The following POU4F1 variants were observed in gnomAD, a reference collection of about 807,000 sequenced individuals.
POU4F1 encodes the protein POU domain, class 4, transcription factor 1.
A neutral mutation model predicts 19.8 loss-of-function variants in POU4F1; 5 were observed. That is an observed-to-expected ratio of 0.25 (90% CI 0.13 to 0.53). The LOEUF (loss-of-function observed/expected upper bound fraction) is 0.53, where lower values mean the gene tolerates loss of function less well. POU4F1 is among the 20% of genes least tolerant of loss of function. The pLI is 0.96. For synonymous variants in POU4F1, 266 were observed against 247.7 expected, an observed-to-expected ratio of 1.07 and a Z score of -0.69; for missense variants, 408 against 511.6, an observed-to-expected ratio of 0.80 and a Z score of 1.95.
chr13:78,601,706 G>T lies in POU4F1; in HGVS notation c.969C>A (p.Ile323=), dbSNP rs748005898. The part of the protein sequence containing the change: ...ESLTLSHNNM[I]ALKPILQAWL... ...ACGCCTGCAGGATGGGCTTGAGCGC[G>T]ATCATGTTGTTGTGCGAGAGCGTGA... is the stretch of plus-strand genomic sequence containing the variant. The change falls in exon 2 of 2, where the codon ATC becomes ATA. Residue 323 remains isoleucine, a synonymous_variant. Transcript: ENST00000377208. 5 of 1,613,936 alleles carry T rather than the reference G, an allele frequency of 3.1e-6. No individual in the cohort carries two copies. Among genetic ancestry groups the T allele is most frequent in the Non-Finnish European group, 4.2e-6 (5 of 1,179,944 alleles).
At position 78,601,628 on chromosome 13, in the gene POU4F1, G is replaced by C; in HGVS notation, c.1047C>G (p.Leu349=). 1 of 1,613,934 alleles carries C rather than the reference G, an allele frequency of 6.2e-7. No homozygotes were observed. Among genetic ancestry groups the C allele is most frequent in the Non-Finnish European group, 8.5e-7 (1 of 1,180,008 alleles). Residue 349 remains leucine (L), a synonymous_variant, in exon 2 of 2, where the codon CTC becomes CTG. Transcript: ENST00000377208. The stretch of plus-strand genomic sequence containing the variant: ...TGCGCTTCTTCTCGCCGCCGTTGAA[G>C]AGCTCAGGCTTGTTCATTTTCTCGC... The part of the protein sequence containing the change: ...AQREKMNKPE[L]FNGGEKKRKR...
Position 78,601,213 on chromosome 13 carries a change from C to T in POU4F1, c.*202G>A, listed in dbSNP as rs1203924856. The T allele has an allele frequency of 1.1e-5, 10 of 875,678 alleles. No individual in the cohort carries two copies. The East Asian group carries it at 2.8e-4, about 24-fold the overall frequency. 54.2% of individuals were successfully genotyped at this position (875,678 alleles called of 1,614,324 possible). On this transcript the variant is annotated 3_prime_UTR_variant, in exon 2 of 2. Coordinates refer to ENST00000377208, the MANE Select transcript of POU4F1 (RefSeq NM_006237.4). ...TACCCTATACTCCAATCCCCACACCCAGCACCCCAGTCCTCAAGGCTAGGG... is the reference window on the plus strand; with the variant it reads ...TACCCTATACTCCAATCCCCACACCTAGCACCCCAGTCCTCAAGGCTAGGG...
In POU4F1 at chr13:78,599,766, C is replaced by T. The variant is rs1306420841; in HGVS notation, c.*1649G>A. 2.6e-5 allele frequency: 4 copies of T among 152,404 alleles called. No homozygotes were observed. The East Asian group carries it at 7.7e-4, about 29-fold the overall frequency. The allele number at this position is 152,404 out of a possible 1,614,324, so 9.4% of individuals were successfully genotyped here. Reference sequence around the variant, plus strand: ...AAAGGATGGTAACAAACCATCTCTACGAGAGATCCAAAGAGTATCTTGTAC... The same window carrying T: ...AAAGGATGGTAACAAACCATCTCTATGAGAGATCCAAAGAGTATCTTGTAC... On this transcript the variant is annotated 3_prime_UTR_variant, in exon 2 of 2. Transcript: ENST00000377208.
rs578186189 is a variant in POU4F1, at chr13:78,603,172, G to A, written c.123+32C>T. 7.4e-6 allele frequency: 10 copies of A among 1,342,572 alleles called. No individual in the cohort carries two copies. The South Asian group carries it at 1.7e-4, about 23-fold the overall frequency. 83.2% of individuals were successfully genotyped at this position (1,342,572 alleles called of 1,614,324 possible). A position where few individuals can be genotyped will look rare whatever the true frequency, so the allele number is the denominator to read the frequency against. ...TTCGGAGACGGGGAGGGGCGGGCGCGCGGGCCGGGGCCGCGGGCGTGGGGC... is the reference window on the plus strand; with the variant it reads ...TTCGGAGACGGGGAGGGGCGGGCGCACGGGCCGGGGCCGCGGGCGTGGGGC... On this transcript the variant is annotated intron_variant, in intron 1 of 1. Transcript: ENST00000377208.
chr13:78,602,247 GCGCCGC>G lies in POU4F1; in HGVS notation c.422_427del (p.Gly141_Gly142del), dbSNP rs1175117364. The G allele has an allele frequency of 2.2e-5, 22 of 980,286 alleles. No homozygotes were observed. The highest frequency in any genetic ancestry group is 2.5e-5 in the Non-Finnish European group (21 of 828,164). 60.7% of individuals were successfully genotyped at this position (980,286 alleles called of 1,614,324 possible). A position where few individuals can be genotyped will look rare whatever the true frequency, so the allele number is the denominator to read the frequency against. ...GCCACCGCCCCCCGGGCCGTCGTGG[GCGCCGC>G]CGCCGCCGGCCGCCGCGCCCGCGCC... is the stretch of plus-strand genomic sequence containing the variant. On this transcript the variant is annotated inframe_deletion, in exon 2 of 2. Transcript: ENST00000377208.
At position 78,599,562 on chromosome 13, in the gene POU4F1, G is replaced by A. The variant is rs1403659212; in HGVS notation, c.*1853C>T. On this transcript the variant is annotated 3_prime_UTR_variant, in exon 2 of 2. Coordinates refer to ENST00000377208, the MANE Select transcript of POU4F1 (RefSeq NM_006237.4). Reference sequence around the variant, plus strand: ...TTTAGTGCTCAGTTTCAAATGCATAGAATGTTTGCCCTGCAAACAATGATA... The same window carrying A: ...TTTAGTGCTCAGTTTCAAATGCATAAAATGTTTGCCCTGCAAACAATGATA... The A allele has an allele frequency of 3.3e-5, 5 of 152,738 alleles. No individual in the cohort carries two copies. Among genetic ancestry groups the A allele is most frequent in the Admixed American group, 1.3e-4 (2 of 15,306 alleles). 9.5% of individuals were successfully genotyped at this position (152,738 alleles called of 1,614,324 possible).
At position 78,603,524 on chromosome 13, in the gene POU4F1, C is replaced by T. The variant is rs965565807; in HGVS notation, c.-198G>A. 15 of 811,070 alleles carry T rather than the reference C, an allele frequency of 1.8e-5. No homozygotes were observed. The African/African-American group carries it at 2.4e-4, about 13-fold the overall frequency. The allele number at this position is 811,070 out of a possible 1,614,324, so 50.2% of individuals were successfully genotyped here. ...GACCGCGCAGAGCGCCGCGCGCCGGCCTCGCGGTCCCGCTTCTCCGACAGC... is the reference window on the plus strand; with the variant it reads ...GACCGCGCAGAGCGCCGCGCGCCGGTCTCGCGGTCCCGCTTCTCCGACAGC... On this transcript the variant is annotated 5_prime_UTR_variant, in exon 1 of 2. Transcript: ENST00000377208.
At position 78,598,485 on chromosome 13, in the gene POU4F1, C is replaced by T. The variant is rs1874578179; in HGVS notation, c.*2930G>A. ...TACCTCTAGTGCTTTTTTTTTTTAA[C>T]ATTAACAACTGTTTAAAATCGCAGC... On this transcript the variant is annotated 3_prime_UTR_variant, in exon 2 of 2. Transcript: ENST00000377208. The T allele has an allele frequency of 6.7e-6, 1 of 150,342 alleles. No individual in the cohort carries two copies. The highest frequency in any genetic ancestry group is 2.1e-4 in the South Asian group (1 of 4,744). 9.3% of individuals were successfully genotyped at this position (150,342 alleles called of 1,614,324 possible). A position where few individuals can be genotyped will look rare whatever the true frequency, so the allele number is the denominator to read the frequency against.
At position 78,602,002 on chromosome 13, in the gene POU4F1, G is replaced by GCGCCGC; in HGVS notation, c.667_672dup (p.Ala223_Ala224dup). The GCGCCGC allele has an allele frequency of 4.4e-6, 4 of 912,016 alleles. No homozygotes were observed. Among genetic ancestry groups the GCGCCGC allele is most frequent in the Non-Finnish European group, 5.2e-6 (4 of 766,098 alleles). 56.5% of individuals were successfully genotyped at this position (912,016 alleles called of 1,614,324 possible). A position where few individuals can be genotyped will look rare whatever the true frequency, so the allele number is the denominator to read the frequency against. ...GCCGCTGCCGCTGCCGCGCCGTGGT[G>GCGCCGC]CGCCGCCGCCGCCACCAGCCCGGGG... On this transcript the variant is annotated inframe_insertion, in exon 2 of 2. Transcript: ENST00000377208.
Position 78,603,330 on chromosome 13 carries a change from G to A in POU4F1, c.-4C>T, listed in dbSNP as rs1299593155. The A allele has an allele frequency of 1.9e-6, 3 of 1,576,066 alleles. No homozygotes were observed. The highest frequency in any genetic ancestry group is 1.1e-5 in the South Asian group (1 of 88,186). ...GCTTGCTGTTCATGGACATCATCGT[G>A]GCGGCTTGGCATGTATATCCACAAA... On this transcript the variant is annotated 5_prime_UTR_variant, in exon 1 of 2. Transcript: ENST00000377208.
Position 78,601,352 on chromosome 13 carries a change from A to G in POU4F1, c.*63T>C. ...AAATCCGAGGGGAGGCAAGCAGAGGAAAGCCCCCCAAAAATGCCTCCTCAG... is the reference window on the plus strand; with the variant it reads ...AAATCCGAGGGGAGGCAAGCAGAGGGAAGCCCCCCAAAAATGCCTCCTCAG... On this transcript the variant is annotated 3_prime_UTR_variant, in exon 2 of 2. Coordinates refer to ENST00000377208, the MANE Select transcript of POU4F1 (RefSeq NM_006237.4). 6.2e-7 allele frequency: 1 copy of G among 1,602,798 alleles called. No individual in the cohort carries two copies. The highest frequency in any genetic ancestry group is 8.5e-7 in the Non-Finnish European group (1 of 1,175,708).
rs1244031139 is a variant in POU4F1, at chr13:78,603,522, G to A, written c.-196C>T. The A allele has an allele frequency of 3.1e-5, 27 of 858,934 alleles. No homozygotes were observed. Among genetic ancestry groups the A allele is most frequent in the Middle Eastern group, 4.4e-4 (1 of 2,252 alleles). 53.2% of individuals were successfully genotyped at this position (858,934 alleles called of 1,614,324 possible). A position where few individuals can be genotyped will look rare whatever the true frequency, so the allele number is the denominator to read the frequency against. ...CTGACCGCGCAGAGCGCCGCGCGCC[G>A]GCCTCGCGGTCCCGCTTCTCCGACA... On this transcript the variant is annotated 5_prime_UTR_variant, in exon 1 of 2. Transcript: ENST00000377208.
rs1454909741 is a variant in POU4F1, at chr13:78,602,557, G to A, written c.124-6C>T. 4.0e-6 allele frequency: 6 copies of A among 1,505,034 alleles called. No homozygotes were observed. The highest frequency in any genetic ancestry group is 1.7e-4 in the Middle Eastern group (1 of 5,726). The allele number at this position is 1,505,034 out of a possible 1,614,324, so 93.2% of individuals were successfully genotyped here. A position where few individuals can be genotyped will look rare whatever the true frequency, so the allele number is the denominator to read the frequency against. ...GCGAAGAGGTTGCTCTGCAGCTGCA[G>A]GCGACACAAACCAAACCAAAAAAAC... On this transcript the variant is annotated splice_polypyrimidine_tract_variant and splice_region_variant and intron_variant, in intron 1 of 1. Coordinates refer to ENST00000377208, the MANE Select transcript of POU4F1 (RefSeq NM_006237.4).
chr13:78,601,977 G>A lies in POU4F1; in HGVS notation c.698C>T (p.Ala233Val). The A allele has an allele frequency of 6.1e-6, 6 of 989,616 alleles. No homozygotes were observed. Among genetic ancestry groups the A allele is most frequent in the Non-Finnish European group, 7.2e-6 (6 of 828,850 alleles). The allele number at this position is 989,616 out of a possible 1,614,324, so 61.3% of individuals were successfully genotyped here. Residue 233 changes from alanine to valine, a missense_variant, in exon 2 of 2, where the codon GCG (alanine) becomes GTG (valine). Transcript: ENST00000377208. The stretch of plus-strand genomic sequence containing the variant: ...TGCCACCTGCCCGGCCGCCGCCGCC[G>A]CCGCTGCCGCTGCCGCGCCGTGGTG... ...AAHHGAAAAA[A>V]AAAAGQVAAA... is the part of the protein sequence containing the mutation.
chr13:78,601,113 T>A lies in POU4F1; in HGVS notation c.*302A>T. ...CCAAACCCCAGAACCATCCTGCTCC[T>A]TAAAACCCCTGCTCGGGTCTCCGCT... On this transcript the variant is annotated 3_prime_UTR_variant, in exon 2 of 2. Transcript: ENST00000377208. 2.5e-6 allele frequency: 1 copy of A among 400,122 alleles called. No individual in the cohort carries two copies. Among genetic ancestry groups the A allele is most frequent in the Non-Finnish European group, 4.6e-6 (1 of 218,682 alleles). 24.8% of individuals were successfully genotyped at this position (400,122 alleles called of 1,614,324 possible). A position where few individuals can be genotyped will look rare whatever the true frequency, so the allele number is the denominator to read the frequency against.
At position 78,600,834 on chromosome 13, in the gene POU4F1, T is replaced by C. The variant is rs964720296; in HGVS notation, c.*581A>G. ...CGTGCGTGTAGGGTTGGGGAGGTGG[T>C]AATAATGGTGGTGCTCTTTTTTCTC... On this transcript the variant is annotated 3_prime_UTR_variant, in exon 2 of 2. Transcript: ENST00000377208. 1.9e-5 allele frequency: 3 copies of C among 154,278 alleles called. No homozygotes were observed. Among genetic ancestry groups the C allele is most frequent in the African/African-American group, 7.2e-5 (3 of 41,388 alleles). 9.6% of individuals were successfully genotyped at this position (154,278 alleles called of 1,614,324 possible).
At chr13:78,602,630 A>C (rs1267757791) in intron 1 of POU4F1, 79 bp from the exon 2 acceptor site, 22 of 1,330,944 alleles carry the variant, frequency 1.7e-5, no homozygotes, top group Middle Eastern at 3.9e-4. Context: ...ACACACACAC[A>C]GGCCGGAAAG....
rs780008098 is a variant in POU4F1, at chr13:78,603,190, C to T, written c.123+14G>A. The T allele has an allele frequency of 3.0e-5, 44 of 1,488,802 alleles. No individual in the cohort carries two copies. Among genetic ancestry groups the T allele is most frequent in the East Asian group, 8.2e-5 (3 of 36,404 alleles). The allele number at this position is 1,488,802 out of a possible 1,614,324, so 92.2% of individuals were successfully genotyped here. On this transcript the variant is annotated intron_variant, in intron 1 of 1. Coordinates refer to ENST00000377208, the MANE Select transcript of POU4F1 (RefSeq NM_006237.4). ...CGGGCGCGCGGGCCGGGGCCGCGGG[C>T]GTGGGGCGCTTACCGGCGGCGTGGG...
chr13:78,602,419 T>C lies in POU4F1; in HGVS notation c.256A>G (p.Asn86Asp). Reference sequence around the variant, plus strand: ...GAAGTGGACGTGCACGGCACGCTGTTCATCGTGTGGTACGTGGCGTCCGGC... The same window carrying C: ...GAAGTGGACGTGCACGGCACGCTGTCCATCGTGTGGTACGTGGCGTCCGGC... ...FKPDATYHTM[N>D]SVPCTSTSTV... Residue 86 changes from asparagine (N) to aspartate (D), a missense_variant, in exon 2 of 2, where the codon AAC becomes GAC. Asn to Asp is a conservative substitution (Grantham distance 23). Transcript: ENST00000377208. 1 of 1,583,798 alleles carries C rather than the reference T, an allele frequency of 6.3e-7. No individual in the cohort carries two copies. Among genetic ancestry groups the C allele is most frequent in the South Asian group, 1.2e-5 (1 of 86,562 alleles).
Sources: gnomAD v4.1 joint callset for allele counts on GRCh38, gnomAD v4.1.1 for gene constraint, MANE v1.5 for transcripts, NCBI Gene and HGNC (gene_info 2026-07-23, HGNC 2026-07-21) for gene names.